The following TENM3 variants were observed in gnomAD, a reference collection of about 807,000 sequenced individuals.
TENM3 encodes teneurin transmembrane protein 3, also known as teneurin-3.
TENM3 carries 63 observed loss-of-function variants against 255.1 expected under a neutral mutation model. The ratio of observed to expected loss-of-function variants is 0.25; its 90% CI spans 0.20 to 0.30. The LOEUF (loss-of-function observed/expected upper bound fraction) is 0.30, where lower values mean the gene tolerates loss of function less well. Among genes scored for constraint, TENM3 ranks in the 10% least tolerant of loss-of-function variants. The pLI is 1.00. For missense variants in TENM3, 2,929 were observed against 3,461.1 expected (o/e 0.85, Z 3.86); for synonymous variants, 1,306 against 1,322.3 (o/e 0.99, Z 0.27).
intron 3 of TENM3, among the ~76,000 whole-genome samples, chr4:182,448,535 A>T (rs370926050): frequency 6.6e-6 from 1 of 152,148 alleles, no homozygotes; most frequent in Non-Finnish European, 1.5e-5. Context: ...GGATCCGTTC[A>T]TGGGTTGGGA....
At chr4:182,696,252 G>T (rs1355067400) in intron 12 of TENM3, among the ~76,000 whole-genome samples, 1 of 152,136 alleles carries the variant, frequency 6.6e-6, no homozygotes, top group Non-Finnish European at 1.5e-5. Context: ...AACTACTGTT[G>T]ATAGTTTTAT....
intron 3 of TENM3, among the ~76,000 whole-genome samples, chr4:182,524,732 A>AG (rs1322954857): frequency 6.6e-6 from 1 of 150,590 alleles, no homozygotes; most frequent in African/African-American, 2.4e-5. Context: ...TTAAGACAAG[A>AG]GGGGGCCAGG....
the TENM3 span, among the ~76,000 whole-genome samples, chr4:181,494,532 C>T: frequency 3.3e-5 from 5 of 152,064 alleles, no homozygotes; most frequent in Admixed American, 2.0e-4. Context: ...GCGATCCACC[C>T]GCCTCAGCCT....
At chr4:182,509,040 A>G (rs1382469086) in intron 3 of TENM3, among the ~76,000 whole-genome samples, 1 of 152,218 alleles carries the variant, frequency 6.6e-6, no homozygotes, top group Non-Finnish European at 1.5e-5. Context: ...TGATGTGACT[A>G]AATTGAATGG....
intron 1 of TENM3, among the ~76,000 whole-genome samples, chr4:182,187,812 A>C (rs548354715): frequency 1.3e-5 from 2 of 152,344 alleles, no homozygotes; most frequent in South Asian, 4.1e-4. Context: ...TAGAATAAAA[A>C]GAGTTTTTTG....
At chr4:181,795,014 C>CA in the TENM3 span, among the ~76,000 whole-genome samples, 1 of 152,214 alleles carries the variant, frequency 6.6e-6, no homozygotes. Flanking sequence ...TTAACACCTA[C>CA]ACTAACAATA....
intron 3 of TENM3, among the ~76,000 whole-genome samples, chr4:182,460,981 C>A (rs187239168): frequency 6.6e-6 from 1 of 152,076 alleles, no homozygotes; most frequent in Non-Finnish European, 1.5e-5. Flanking sequence ...ACCTAGTAAG[C>A]GCTTTATCAT....
chr4:182,436,665 A>G (rs1772071790), intron 3 of TENM3, among the ~76,000 whole-genome samples: 2 of 152,204 alleles, frequency 1.3e-5, no homozygotes, highest in Non-Finnish European at 2.9e-5. Flanking sequence ...TTTAATAAAC[A>G]TATGATAATA....
the TENM3 span, among the ~76,000 whole-genome samples, chr4:181,815,531 TC>T: frequency 1.3e-5 from 2 of 148,706 alleles, no homozygotes; most frequent in Admixed American, 1.3e-4. Context: ...GTCTAATAGG[TC>T]CCCCGAAATG....
chr4:182,216,973 A>G (rs1755512480), intron 1 of TENM3, among the ~76,000 whole-genome samples: 1 of 142,472 alleles, frequency 7.0e-6, no homozygotes, highest in Non-Finnish European at 1.5e-5. Flanking sequence ...ATCATAATGT[A>G]TAAGTATTTT....
At chr4:182,449,924 C>G (rs902719800) in intron 3 of TENM3, among the ~76,000 whole-genome samples, 1 of 152,180 alleles carries the variant, frequency 6.6e-6, no homozygotes, top group African/African-American at 2.4e-5. Flanking sequence ...AAACAAAGAT[C>G]TGTGGCAGCT....
the TENM3 span, among the ~76,000 whole-genome samples, chr4:181,521,934 T>A: frequency 2.0e-5 from 3 of 149,892 alleles, no homozygotes; most frequent in Non-Finnish European, 3.0e-5. Context: ...GTCTCTAATT[T>A]AAAAAAAAAA....
At chr4:181,743,420 C>T in the TENM3 span, among the ~76,000 whole-genome samples, 17 of 152,158 alleles carry the variant, frequency 1.1e-4, no homozygotes, top group South Asian at 2.1e-3. Context: ...ATTTCTCTGA[C>T]GCCAGTGATG....
chr4:181,800,048 TG>T, the TENM3 span, among the ~76,000 whole-genome samples: 2 of 152,182 alleles, frequency 1.3e-5, no homozygotes, highest in African/African-American at 2.4e-5. Flanking sequence ...CCAGAGCTTC[TG>T]GTTCTTCAAA....
the TENM3 span, among the ~76,000 whole-genome samples, chr4:181,687,622 G>C: frequency 1.3e-5 from 2 of 152,168 alleles, no homozygotes; most frequent in African/African-American, 4.8e-5. Context: ...TGGCAGTCTA[G>C]GTGAAGTCTG....
chr4:182,800,093 C>G lies in TENM3; in HGVS notation c.7842C>G (p.Asp2614Glu), dbSNP rs772839377. 6.3e-7 allele frequency: 1 copy of G among 1,586,688 alleles called. No individual in the cohort carries two copies. Among genetic ancestry groups the G allele is most frequent in the Middle Eastern group, 1.7e-4 (1 of 5,910 alleles). Residue 2614 changes from aspartate to glutamate, a missense_variant, in exon 28 of 28, where the codon GAC becomes GAG. Asp to Glu is a conservative substitution (Grantham distance 45). This residue lies in a region of TENM3 where 476 missense variants were observed against 480.1 expected (regional missense o/e 0.99). Coordinates refer to ENST00000511685, the MANE Select transcript of TENM3 (RefSeq NM_001080477.4). ...ACGTGCGCTACGGCATGACCCTGGACGAGGAGAAGGCGCGCATCCTGGAGC... is the reference window on the plus strand; with the variant it reads ...ACGTGCGCTACGGCATGACCCTGGAGGAGGAGAAGGCGCGCATCCTGGAGC... ...ALHVRYGMTL[D>E]EEKARILEQA...
the TENM3 span, among the ~76,000 whole-genome samples, chr4:181,945,600 G>A: frequency 6.6e-6 from 1 of 151,786 alleles, no homozygotes; most frequent in Non-Finnish European, 1.5e-5. Flanking sequence ...TGAGGTTGGG[G>A]CACCTCCAAC....
the TENM3 span, among the ~76,000 whole-genome samples, chr4:182,104,474 C>G: frequency 6.8e-6 from 1 of 146,022 alleles, no homozygotes; most frequent in Non-Finnish European, 1.5e-5. Context: ...CCCTTCCTAA[C>G]AGATCATCCA....
At chr4:182,081,032 C>T in the TENM3 span, among the ~76,000 whole-genome samples, 2 of 151,958 alleles carry the variant, frequency 1.3e-5, no homozygotes, top group South Asian at 2.1e-4. Flanking sequence ...CCTTGCTTTG[C>T]CCCCTTTGGT....
Sources: allele counts gnomAD v4.1 joint callset (sites outside exome capture counted in the v4.1 genomes callset), GRCh38; gene constraint gnomAD v4.1.1; regional missense constraint gnomAD v4.1.1; transcripts MANE v1.5; gene names NCBI Gene and HGNC (gene_info 2026-07-23, HGNC 2026-07-21).